Variants in GPC5 observed in about 807,000 individuals in gnomAD.
GPC5 encodes glypican-5.
A neutral mutation model predicts 53.9 loss-of-function variants in GPC5; 47 were observed. The ratio of observed to expected loss-of-function variants is 0.87; its 90% CI spans 0.69 to 1.11. GPC5 has a LOEUF of 1.11. Ranked by LOEUF, GPC5 falls within the 50% of genes most tolerant of loss-of-function variation. The probability of loss-of-function intolerance (pLI) is 0.00; values close to 1 mark genes in which losing one functional copy is unlikely to be tolerated. For synonymous variants in GPC5, 286 were observed against 263.3 expected, an observed-to-expected ratio of 1.09 and a Z score of -0.84; for missense variants, 748 against 713.1, an observed-to-expected ratio of 1.05 and a Z score of -0.56.
At chr13:92,862,110 C>T (rs1407102836) in intron 7 of GPC5, among the ~76,000 whole-genome samples, 1 of 152,148 alleles carries the variant, frequency 6.6e-6, no homozygotes, top group Non-Finnish European at 1.5e-5. Context: ...ATGAGGACCA[C>T]ATTTGAATGG....
chr13:92,849,966 A>T (rs1039720926), intron 7 of GPC5, among the ~76,000 whole-genome samples: 1 of 152,128 alleles, frequency 6.6e-6, no homozygotes. Flanking sequence ...CTGATTGCCA[A>T]CCCTGCCATA....
In GPC5 at chr13:91,868,286, T is replaced by C. The variant is rs1201201975; in HGVS notation, c.1281-39651T>C. 2.0e-5 allele frequency among the ~76,000 whole-genome samples: 3 copies of C among 152,154 alleles called. No homozygotes were observed. The East Asian group carries it at 5.8e-4, about 29-fold the overall frequency. On this transcript the variant is annotated intron_variant, in intron 5 of 7. Coordinates refer to ENST00000377067, the MANE Select transcript of GPC5 (RefSeq NM_004466.6). Reference sequence around the variant, plus strand: ...CAGTAAGATTAGATGACAAGTAAGATGAAGCCAGAAAATGACCATATGGTT... The same window carrying C: ...CAGTAAGATTAGATGACAAGTAAGACGAAGCCAGAAAATGACCATATGGTT...
At position 92,701,824 on chromosome 13, in the gene GPC5, G is replaced by C. The variant is rs183901056; in HGVS notation, c.1562-164458G>C. Among the ~76,000 whole-genome samples, 378 of 152,184 alleles carry C rather than the reference G, an allele frequency of 2.5e-3. 2 individuals carry two copies. The highest frequency in any genetic ancestry group is 8.8e-3 in the African/African-American group (365 of 41,540). On this transcript the variant is annotated intron_variant, in intron 7 of 7. Transcript: ENST00000377067. Reference sequence around the variant, plus strand: ...AAGTGATAAATGACTTGGCATACCAGAGACATCTAAAAATGGAATTCATTC... The same window carrying C: ...AAGTGATAAATGACTTGGCATACCACAGACATCTAAAAATGGAATTCATTC...
intron 7 of GPC5, among the ~76,000 whole-genome samples, chr13:92,146,205 C>T (rs769237018): frequency 1.3e-5 from 2 of 152,014 alleles, no homozygotes; most frequent in Non-Finnish European, 2.9e-5. Flanking sequence ...TTACAGAATG[C>T]GATAAAGATG....
At chr13:91,615,499 C>A (rs2033671461) in intron 2 of GPC5, among the ~76,000 whole-genome samples, 1 of 152,138 alleles carries the variant, frequency 6.6e-6, no homozygotes, top group Non-Finnish European at 1.5e-5. Flanking sequence ...ACCATATGAG[C>A]AGACAGAAAG....
At chr13:91,953,671 G>A (rs75362642) in intron 6 of GPC5, among the ~76,000 whole-genome samples, 3,007 of 152,246 alleles carry the variant, frequency 0.02, 88 homozygotes, top group African/African-American at 0.069. Flanking sequence ...TAATAGTTCT[G>A]GAGGCTAGGG....
At chr13:91,533,309 G>A (rs780096843) in intron 2 of GPC5, among the ~76,000 whole-genome samples, 5 of 152,170 alleles carry the variant, frequency 3.3e-5, no homozygotes, top group African/African-American at 9.7e-5. Context: ...TTCCAAAGGA[G>A]TGTTATAATC....
chr13:91,940,786 A>G (rs887693838), intron 6 of GPC5, among the ~76,000 whole-genome samples: 2 of 151,934 alleles, frequency 1.3e-5, no homozygotes, highest in African/African-American at 2.4e-5. Flanking sequence ...GGCCTTTTGT[A>G]TGTTTTCATT....
intron 6 of GPC5, among the ~76,000 whole-genome samples, chr13:91,972,618 C>T (rs1445929886): frequency 6.6e-6 from 1 of 152,126 alleles, no homozygotes; most frequent in Non-Finnish European, 1.5e-5. Flanking sequence ...TTGTTCCTTT[C>T]CATGTTTAGT....
chr13:92,349,800 C>T (rs1489812865), intron 7 of GPC5, among the ~76,000 whole-genome samples: 2 of 152,078 alleles, frequency 1.3e-5, no homozygotes, highest in African/African-American at 4.8e-5. Flanking sequence ...TGGTTGAATT[C>T]TACCTATTTT....
chr13:91,680,523 T>A (rs1469439913), intron 2 of GPC5, among the ~76,000 whole-genome samples: 1 of 152,168 alleles, frequency 6.6e-6, no homozygotes, highest in Non-Finnish European at 1.5e-5. Flanking sequence ...TGAACTAACA[T>A]GTCAAGGCAT....
chr13:92,611,441 G>T (rs1396525527), intron 7 of GPC5, among the ~76,000 whole-genome samples: 2 of 152,034 alleles, frequency 1.3e-5, no homozygotes, highest in Non-Finnish European at 2.9e-5. Flanking sequence ...GTCAGAAAAT[G>T]GATCCTTAAG....
chr13:91,570,915 C>G (rs2031752606), intron 2 of GPC5, among the ~76,000 whole-genome samples: 2 of 152,148 alleles, frequency 1.3e-5, no homozygotes, highest in Admixed American at 1.3e-4. Flanking sequence ...AAGTACATAA[C>G]TCTTTAATTA....
chr13:92,620,864 T>C (rs1050962508), intron 7 of GPC5, among the ~76,000 whole-genome samples: 1 of 152,246 alleles, frequency 6.6e-6, no homozygotes, highest in African/African-American at 2.4e-5. Context: ...TCTGTGGACT[T>C]ACTTTATCCC....
intron 1 of GPC5, among the ~76,000 whole-genome samples, chr13:91,406,804 G>A (rs2138762722): frequency 6.6e-6 from 1 of 152,212 alleles, no homozygotes; most frequent in South Asian, 2.1e-4. Flanking sequence ...TCGCCTCTTG[G>A]CAACCTGTCA....
intron 7 of GPC5, among the ~76,000 whole-genome samples, chr13:92,722,738 A>G (rs1888539379): frequency 6.6e-6 from 1 of 151,886 alleles, no homozygotes; most frequent in South Asian, 2.1e-4. Flanking sequence ...AGAACTCCAG[A>G]GTGTGATTGG....
At chr13:92,809,320 T>A (rs1159425669) in intron 7 of GPC5, among the ~76,000 whole-genome samples, 1 of 152,198 alleles carries the variant, frequency 6.6e-6, no homozygotes. Context: ...AGCCCCATCA[T>A]AGGCATGGTT....
intron 2 of GPC5, among the ~76,000 whole-genome samples, chr13:91,479,894 A>C (rs564534464): frequency 2.6e-5 from 4 of 152,302 alleles, no homozygotes; most frequent in East Asian, 3.9e-4. Flanking sequence ...GTGGAGGATA[A>C]AATTTAATGG....
rs181626263 is a variant in GPC5, at chr13:91,458,534, A to C, written c.325+9612A>C. On this transcript the variant is annotated intron_variant, in intron 2 of 7. Transcript: ENST00000377067. ...ACATCACGAATTATCGGGAAATGCAAATCAAAACCACAGTGTAATACCACT... is the reference window on the plus strand; with the variant it reads ...ACATCACGAATTATCGGGAAATGCACATCAAAACCACAGTGTAATACCACT... 2.9e-3 allele frequency among the ~76,000 whole-genome samples: 443 copies of C among 152,276 alleles called. 17 individuals carry two copies. The South Asian group carries it at 0.076, about 26-fold the overall frequency.
Sources: gnomAD v4.1 joint callset for allele counts (sites outside exome capture counted in the v4.1 genomes callset) on GRCh38, gnomAD v4.1.1 for gene constraint, MANE v1.5 for transcripts, NCBI Gene and HGNC (gene_info 2026-07-23, HGNC 2026-07-21) for gene names.